NRG1: variants seen among roughly 807,000 people sequenced by gnomAD.
NRG1 encodes the protein pro-neuregulin-1, membrane-bound isoform.
Under a neutral mutation model 63.8 loss-of-function variants are expected in NRG1, and 18 were observed. The ratio of observed to expected loss-of-function variants is 0.28; its 90% CI spans 0.19 to 0.42. NRG1 has a LOEUF of 0.42. Ranked by LOEUF, NRG1 falls within the 10% of genes least tolerant of loss-of-function variation. The probability of loss-of-function intolerance (pLI) is 1.00; values close to 1 mark genes in which losing one functional copy is unlikely to be tolerated. For synonymous variants in NRG1, 302 were observed against 301.3 expected (o/e 1.00, Z -0.02); for missense variants, 762 against 814.7 (o/e 0.94, Z 0.79).
chr8:32,052,269 C>CTT, intron 1 of NRG1, among the ~76,000 whole-genome samples: 2 of 119,258 alleles, frequency 1.7e-5, no homozygotes, highest in African/African-American at 6.8e-5. Flanking sequence ...TTCTTTCCTC[C>CTT]TGTTTTTTTT....
At chr8:32,378,585 A>C (rs1809926152) in intron 1 of NRG1, among the ~76,000 whole-genome samples, 1 of 152,196 alleles carries the variant, frequency 6.6e-6, no homozygotes, top group Non-Finnish European at 1.5e-5. Context: ...GGAGTACTTA[A>C]GTGCAAATTT....
intron 1 of NRG1, among the ~76,000 whole-genome samples, chr8:32,460,004 T>TTA (rs1245155033): frequency 6.6e-6 from 1 of 152,232 alleles, no homozygotes; most frequent in African/African-American, 2.4e-5. Flanking sequence ...TGCAGAACAC[T>TTA]TACCACTGCC....
chr8:32,166,899 G>A (rs189363308), intron 1 of NRG1, among the ~76,000 whole-genome samples: 52 of 152,178 alleles, frequency 3.4e-4, no homozygotes, highest in African/African-American at 1.3e-3. Context: ...AACAATTCAT[G>A]GACTGTTTAT....
intron 1 of NRG1, among the ~76,000 whole-genome samples, chr8:32,400,269 A>C (rs932603786): frequency 2.6e-5 from 4 of 152,172 alleles, no homozygotes; most frequent in African/African-American, 4.8e-5. Context: ...GAATCACTTG[A>C]GGTCAGGAGT....
At chr8:31,815,736 C>T (rs1007838920) in intron 1 of NRG1, among the ~76,000 whole-genome samples, 2 of 152,208 alleles carry the variant, frequency 1.3e-5, no homozygotes, top group Non-Finnish European at 2.9e-5. Flanking sequence ...CAATTCTTCG[C>T]ATTCTCGCCA....
intron 1 of NRG1, among the ~76,000 whole-genome samples, chr8:31,900,456 A>T (rs764965007): frequency 6.6e-6 from 1 of 152,238 alleles, no homozygotes; most frequent in Non-Finnish European, 1.5e-5. Flanking sequence ...GGCTTCAAGG[A>T]TAGCATTATA....
At chr8:32,207,116 A>G (rs181782278) in intron 1 of NRG1, among the ~76,000 whole-genome samples, 3 of 152,270 alleles carry the variant, frequency 2.0e-5, no homozygotes, top group Admixed American at 2.0e-4. Flanking sequence ...GTGGAAAACA[A>G]CATTTGTTTT....
At chr8:31,704,575 G>A (rs1810938571) in intron 1 of NRG1, among the ~76,000 whole-genome samples, 1 of 152,152 alleles carries the variant, frequency 6.6e-6, no homozygotes, top group South Asian at 2.1e-4. Flanking sequence ...GCTCATGCCT[G>A]TAATCCCAGC....
At chr8:32,722,048 G>T (rs1244280942) in intron 5 of NRG1, 1 of 1,543,594 alleles carries the variant, frequency 6.5e-7, no homozygotes, top group Non-Finnish European at 8.7e-7. Flanking sequence ...TACAGGTAAG[G>T]TTAAAAAAAA....
At chr8:31,850,377 C>A (rs1162747870) in intron 1 of NRG1, among the ~76,000 whole-genome samples, 2 of 152,142 alleles carry the variant, frequency 1.3e-5, no homozygotes, top group Non-Finnish European at 2.9e-5. Context: ...TTGGTCAGAG[C>A]ACTTAGGTTC....
At chr8:32,314,190 GA>G (rs3055549) in intron 1 of NRG1, among the ~76,000 whole-genome samples, 6 of 150,182 alleles carry the variant, frequency 4.0e-5, no homozygotes, top group East Asian at 2.0e-4. Context: ...CTGTTAAGTG[GA>G]AAAAAAAAAA....
chr8:32,311,884 T>C (rs1856836900), intron 1 of NRG1, among the ~76,000 whole-genome samples: 1 of 152,158 alleles, frequency 6.6e-6, no homozygotes, highest in Non-Finnish European at 1.5e-5. Context: ...ACTAAGTCTC[T>C]CCTCTTGCTC....
intron 1 of NRG1, among the ~76,000 whole-genome samples, chr8:32,073,866 A>G (rs1826118291): frequency 6.6e-6 from 1 of 152,164 alleles, no homozygotes; most frequent in Non-Finnish European, 1.5e-5. Flanking sequence ...TTCATGTCCT[A>G]CCTCTTTGAA....
intron 1 of NRG1, among the ~76,000 whole-genome samples, chr8:32,365,894 CACA>C (rs1045229956): frequency 4.6e-5 from 7 of 152,148 alleles, no homozygotes; most frequent in Admixed American, 3.3e-4. Context: ...CTTTATAATA[CACA>C]ACATTATTTT....
chr8:31,658,119 T>A (rs1009885488), intron 1 of NRG1, among the ~76,000 whole-genome samples: 1 of 152,206 alleles, frequency 6.6e-6, no homozygotes, highest in Non-Finnish European at 1.5e-5. Context: ...CATGCCATGT[T>A]ATTGTGACCA....
At chr8:32,486,532 C>T (rs6982475) in intron 1 of NRG1, among the ~76,000 whole-genome samples, 19,423 of 152,086 alleles carry the variant, frequency 0.13, 1,507 homozygotes, top group Admixed American at 0.25. Context: ...AAATTATTTT[C>T]ACTCTTTGCT....
chr8:31,785,704 T>C (rs1482074137), intron 1 of NRG1, among the ~76,000 whole-genome samples: 1 of 152,230 alleles, frequency 6.6e-6, no homozygotes, highest in Non-Finnish European at 1.5e-5. Context: ...TAAAAAAATC[T>C]TGCATTATTT....
chr8:32,144,262 A>C (rs1462211186), intron 1 of NRG1, among the ~76,000 whole-genome samples: 1 of 152,228 alleles, frequency 6.6e-6, no homozygotes, highest in Non-Finnish European at 1.5e-5. Flanking sequence ...AAAAAGAAGA[A>C]GAAAGAAAGA....
rs571407204 is a variant in NRG1 at position 32,079,345 on chromosome 8, A to T, written c.37+439914A>T. Among the ~76,000 whole-genome samples the T allele has an allele frequency of 7.2e-5, 11 of 152,294 alleles. No homozygotes were observed. The South Asian group carries it at 2.3e-3, about 32-fold the overall frequency. On this transcript the variant is annotated intron_variant, in intron 1 of 10. Coordinates refer to the NRG1 transcript ENST00000519301. ...TACAGGTGGGAATGAGTTAAACAAT[A>T]ATTAACTGAACAAAAGCAATGTCCA...
Sources: allele counts gnomAD v4.1 joint callset (sites outside exome capture counted in the v4.1 genomes callset), GRCh38; gene constraint gnomAD v4.1.1; transcripts MANE v1.5; gene names NCBI Gene and HGNC (gene_info 2026-07-23, HGNC 2026-07-21).